MEOX2: variants seen among roughly 807,000 people sequenced by gnomAD.
MEOX2 encodes mesenchyme homeobox 2.
MEOX2 carries 11 observed loss-of-function variants against 27.0 expected under a neutral mutation model. The observed-to-expected ratio is 0.41, with a 90% CI of 0.26 to 0.68. MEOX2 has a LOEUF of 0.68. Among genes scored for constraint, MEOX2 ranks in the 30% least tolerant of loss-of-function variants. MEOX2 has a pLI of 0.33. For synonymous variants in MEOX2, 189 were observed against 155.4 expected, an observed-to-expected ratio of 1.22 and a Z score of -1.61; for missense variants, 436 against 385.4, an observed-to-expected ratio of 1.13 and a Z score of -1.10.
At chr7:15,674,486 G>T (rs891504202) in intron 1 of MEOX2, among the ~76,000 whole-genome samples, 2 of 151,668 alleles carry the variant, frequency 1.3e-5, no homozygotes, top group African/African-American at 4.8e-5. Flanking sequence ...TAGAAAAGAA[G>T]AAATCATCAG....
intron 1 of MEOX2, among the ~76,000 whole-genome samples, chr7:15,641,031 G>A (rs973297194): frequency 1.3e-5 from 2 of 151,776 alleles, no homozygotes; most frequent in African/African-American, 4.8e-5. Context: ...TTGATATCGT[G>A]GTAGGATGAG....
chr7:15,682,020 CA>C (rs1170962297), intron 1 of MEOX2: 1 of 151,676 alleles, frequency 6.6e-6, no homozygotes, highest in East Asian at 1.9e-4. Context: ...TATTTTAGAT[CA>C]CATTTTAGAG....
intron 1 of MEOX2, among the ~76,000 whole-genome samples, chr7:15,655,834 G>C (rs1468047499): frequency 1.3e-5 from 2 of 151,676 alleles, no homozygotes; most frequent in African/African-American, 4.8e-5. Flanking sequence ...GCTGTTTCAG[G>C]ATAGAATATT....
At chr7:15,629,942 A>G (rs754542248) in intron 1 of MEOX2, among the ~76,000 whole-genome samples, 4 of 152,000 alleles carry the variant, frequency 2.6e-5, no homozygotes, top group Non-Finnish European at 5.9e-5. Context: ...AAGTGAGGCA[A>G]AAGTCCCTCC....
chr7:15,625,179 C>A (rs1781281569), intron 2 of MEOX2, among the ~76,000 whole-genome samples: 1 of 152,128 alleles, frequency 6.6e-6, no homozygotes, highest in Admixed American at 6.6e-5. Context: ...CTAGAATTCA[C>A]CATCTCTATA....
intron 1 of MEOX2, among the ~76,000 whole-genome samples, chr7:15,670,489 G>A (rs900220495): frequency 6.6e-5 from 10 of 152,208 alleles, no homozygotes; most frequent in Admixed American, 1.3e-4. Flanking sequence ...AATTTGTCTC[G>A]TTGTTTAGAA....
intron 1 of MEOX2, chr7:15,676,058 T>C (rs1782186996): frequency 6.6e-6 from 1 of 152,192 alleles, no homozygotes; most frequent in African/African-American, 2.4e-5. Context: ...ATTTAAAATT[T>C]CGCTGAAGTC....
At chr7:15,657,178 T>C (rs1366238337) in intron 1 of MEOX2, among the ~76,000 whole-genome samples, 1 of 152,186 alleles carries the variant, frequency 6.6e-6, no homozygotes, top group Admixed American at 6.5e-5. Context: ...AATTTATTTG[T>C]GTTTATCCTT....
At chr7:15,621,191 G>T (rs1372224329) in intron 2 of MEOX2, among the ~76,000 whole-genome samples, 4 of 152,166 alleles carry the variant, frequency 2.6e-5, no homozygotes, top group African/African-American at 4.8e-5. Context: ...GATCTTGAAG[G>T]TTATATGAGA....
chr7:15,626,929 A>AT lies in MEOX2; in HGVS notation c.518-12_518-11insA. 2 of 1,610,674 alleles carry AT rather than the reference A, an allele frequency of 1.2e-6. No individual in the cohort carries two copies. Among genetic ancestry groups the AT allele is most frequent in the South Asian group, 2.2e-5 (2 of 90,940 alleles). On this transcript the variant is annotated splice_polypyrimidine_tract_variant and intron_variant, in intron 1 of 2. Coordinates refer to ENST00000262041, the MANE Select transcript of MEOX2 (RefSeq NM_005924.5). ...TTCCTTCCTGGGAGTCTGAAAAAAA[A>AT]GGGAGACAGAATTGGTAATAACTCA...
chr7:15,678,788 C>CT (rs1159577558), intron 1 of MEOX2: 1 of 152,216 alleles, frequency 6.6e-6, no homozygotes, highest in Non-Finnish European at 1.5e-5. Context: ...TAAAATTCTA[C>CT]TGGCATCTGC....
intron 1 of MEOX2, among the ~76,000 whole-genome samples, chr7:15,632,163 C>T (rs1781415201): frequency 6.6e-6 from 1 of 151,726 alleles, no homozygotes; most frequent in Non-Finnish European, 1.5e-5. Flanking sequence ...CTGGAATAAA[C>T]TGGCTAGTAT....
At chr7:15,615,589 G>A (rs558844366) in intron 2 of MEOX2, among the ~76,000 whole-genome samples, 1 of 152,078 alleles carries the variant, frequency 6.6e-6, no homozygotes, top group South Asian at 2.1e-4. Flanking sequence ...TTGCAAGCTT[G>A]ACATTGTATT....
intron 1 of MEOX2, among the ~76,000 whole-genome samples, chr7:15,683,468 C>T (rs1467923377): frequency 6.6e-6 from 1 of 151,922 alleles, no homozygotes. Context: ...CTAAAATGTG[C>T]TATAAGCAAT....
At position 15,667,495 on chromosome 7, in the gene MEOX2, G is replaced by T. The variant is rs1298100918; in HGVS notation, c.517+18391C>A. 3.3e-5 allele frequency among the ~76,000 whole-genome samples: 5 copies of T among 151,902 alleles called. No individual in the cohort carries two copies. The East Asian group carries it at 7.8e-4, about 24-fold the overall frequency. On this transcript the variant is annotated intron_variant, in intron 1 of 2. Transcript: ENST00000262041. ...TGCGGACGCTTCCAGAAACCTCAAG[G>T]TGTTCTGTTCGTCTTAGTGTACCCA... is the stretch of plus-strand genomic sequence containing the variant.
intron 1 of MEOX2, among the ~76,000 whole-genome samples, chr7:15,649,138 A>G (rs1562605230): frequency 6.6e-6 from 1 of 152,090 alleles, no homozygotes. Context: ...GATCTTTTCT[A>G]TAAATAATTT....
intron 1 of MEOX2, among the ~76,000 whole-genome samples, chr7:15,644,979 T>G (rs1781619581): frequency 6.6e-6 from 1 of 152,204 alleles, no homozygotes; most frequent in Non-Finnish European, 1.5e-5. Flanking sequence ...ACCTTACTAG[T>G]TCACAAACTG....
intron 1 of MEOX2, among the ~76,000 whole-genome samples, chr7:15,661,188 T>C (rs557459679): frequency 1.3e-5 from 2 of 152,084 alleles, no homozygotes; most frequent in African/African-American, 4.8e-5. Context: ...TAGGCTTTGA[T>C]AACTAAAAAC....
intron 1 of MEOX2, among the ~76,000 whole-genome samples, chr7:15,634,272 A>G (rs1781449712): frequency 6.6e-6 from 1 of 151,942 alleles, no homozygotes; most frequent in Admixed American, 6.6e-5. Flanking sequence ...ACATATTCAA[A>G]ATAAAGATGT....
Sources: allele counts gnomAD v4.1 joint callset (sites outside exome capture counted in the v4.1 genomes callset), GRCh38; gene constraint gnomAD v4.1.1; transcripts MANE v1.5; gene names NCBI Gene and HGNC (gene_info 2026-07-23, HGNC 2026-07-21).